MORN1: variants seen among roughly 807,000 people sequenced by gnomAD.
MORN1 encodes the protein MORN repeat containing 1.
A neutral mutation model predicts 61.9 loss-of-function variants in MORN1; 67 were observed. The observed-to-expected ratio is 1.08, with a 90% CI of 0.89 to 1.33. The LOEUF is 1.33. Among genes scored for constraint, MORN1 ranks in the 40% most tolerant of loss-of-function variants. The pLI is 0.00. For missense variants in MORN1, 752 were observed against 691.2 expected (o/e 1.09, Z -0.99); for synonymous variants, 301 against 292.0 (o/e 1.03, Z -0.31).
Position 2,390,739 on chromosome 1 carries a change from AT to A in MORN1, c.76+718del, listed in dbSNP as rs1312604317. On this transcript the variant is annotated intron_variant, in intron 1 of 13. Coordinates refer to ENST00000378531, the MANE Select transcript of MORN1 (RefSeq NM_024848.3). ...TTATTTGATTCTAGAAACAGTTCCT[AT>A]CAAAACCTGCTCTTTTTTTTTTTTT... 4.1e-6 allele frequency: 4 copies of A among 983,236 alleles called. No homozygotes were observed. In the African/African-American group the frequency reaches 7.0e-5, roughly 17 times the overall value. 60.9% of individuals were successfully genotyped at this position (983,236 alleles called of 1,614,324 possible). A position where few individuals can be genotyped will look rare whatever the true frequency, so the allele number is the denominator to read the frequency against.
At chr1:2,324,044 G>A (rs562262020) in intron 13 of MORN1, 53 bp downstream of exon 13, 30 of 1,552,382 alleles carry the variant, frequency 1.9e-5, no homozygotes, top group African/African-American at 4.1e-5. Context: ...CTGCGGCCTC[G>A]CCTCTCCAGA....
At chr1:2,351,840 C>T in intron 10 of MORN1, 2 of 522,558 alleles carry the variant, frequency 3.8e-6, no homozygotes, top group Non-Finnish European at 7.4e-6. Flanking sequence ...CAGCATCTTG[C>T]TACTCTTGCC....
intron 13 of MORN1, chr1:2,323,029 G>T: frequency 1.0e-6 from 1 of 985,454 alleles, no homozygotes; most frequent in Non-Finnish European, 1.2e-6. Flanking sequence ...TCACCCCCAG[G>T]GCTGTCTCCG....
Position 2,372,379 on chromosome 1 carries a change from A to T in MORN1, c.745+102T>A. The T allele has an allele frequency of 1.1e-6, 1 of 877,238 alleles. No individual in the cohort carries two copies. The highest frequency in any genetic ancestry group is 1.7e-6 in the Non-Finnish European group (1 of 572,314). 54.3% of individuals were successfully genotyped at this position (877,238 alleles called of 1,614,324 possible). A position where few individuals can be genotyped will look rare whatever the true frequency, so the allele number is the denominator to read the frequency against. ...GGGCACGAAGTCACTGCTGTGCCTCAGGAGCCACATGCAACATCTCGTCCG... is the reference window on the plus strand; with the variant it reads ...GGGCACGAAGTCACTGCTGTGCCTCTGGAGCCACATGCAACATCTCGTCCG... On this transcript the variant is annotated intron_variant, in intron 8 of 13. Transcript: ENST00000378531. This position sits in a 1 kb window ranked among gnomAD's most constrained non-coding sequence, Gnocchi z 5.4.
In MORN1 at chr1:2,342,234, G is replaced by A. The variant is rs146450945; in HGVS notation, c.1037-5384C>T. On this transcript the variant is annotated intron_variant, in intron 10 of 13. Coordinates refer to ENST00000378531, the MANE Select transcript of MORN1 (RefSeq NM_024848.3). Reference sequence around the variant, plus strand: ...TTCCAATTCATTATCTTTTTACGGCGGACTCAATTAGACTCCCTAGTCACC... The same window carrying A: ...TTCCAATTCATTATCTTTTTACGGCAGACTCAATTAGACTCCCTAGTCACC... 3.0e-4 allele frequency among the ~76,000 whole-genome samples: 45 copies of A among 152,306 alleles called. No homozygotes were observed. The East Asian group carries it at 7.7e-3, about 26-fold the overall frequency.
At chr1:2,355,043 TA>T in intron 10 of MORN1, 1 of 480,948 alleles carries the variant, frequency 2.1e-6, no homozygotes, top group South Asian at 8.7e-5. Flanking sequence ...GCCCCCCAGG[TA>T]GGATCCGCCC....
intron 7 of MORN1, among the ~76,000 whole-genome samples, chr1:2,373,675 G>C (rs749413780): frequency 6.6e-6 from 1 of 152,200 alleles, no homozygotes; most frequent in Non-Finnish European, 1.5e-5. Context: ...CACTGTGTGC[G>C]TGCGGGTGCT....
intron 6 of MORN1, among the ~76,000 whole-genome samples, chr1:2,381,139 G>A (rs1205246241): frequency 6.6e-6 from 1 of 152,254 alleles, no homozygotes; most frequent in African/African-American, 2.4e-5. Flanking sequence ...ACCTGGTAAT[G>A]TCTTCTTGCA....
chr1:2,333,951 A>G (rs1641213531), intron 12 of MORN1, among the ~76,000 whole-genome samples: 1 of 152,202 alleles, frequency 6.6e-6, no homozygotes, highest in Non-Finnish European at 1.5e-5. Context: ...CTTTGGGCCC[A>G]GAGCCAGGTC....
intron 8 of MORN1, among the ~76,000 whole-genome samples, chr1:2,369,057 A>T (rs1642057965): frequency 7.3e-6 from 1 of 137,666 alleles, no homozygotes; most frequent in African/African-American, 2.7e-5. Flanking sequence ...ACCCAGTCTC[A>T]AAAAAAAAAA....
chr1:2,343,697 C>T (rs1470145976), intron 10 of MORN1, among the ~76,000 whole-genome samples: 1 of 152,164 alleles, frequency 6.6e-6, no homozygotes, highest in African/African-American at 2.4e-5. Flanking sequence ...ACAGAGGCCT[C>T]GCGGAGCCTT....
At chr1:2,332,362 CCTGA>C in intron 12 of MORN1, 1 of 344,366 alleles carries the variant, frequency 2.9e-6, no homozygotes, top group South Asian at 2.2e-5. Flanking sequence ...GCCCGGCCAC[CCTGA>C]CTGTTGCTCA....
Position 2,334,752 on chromosome 1 carries a change from C to T in MORN1, c.1250+1717G>A, listed in dbSNP as rs563049547. The stretch of plus-strand genomic sequence containing the variant: ...AACGACACTTAACTCGAGGACAGTG[C>T]GAGCCCTTTGGCTGGGAGGCCCAGG... On this transcript the variant is annotated intron_variant, in intron 12 of 13. Transcript: ENST00000378531. This position sits in a 1 kb window ranked among gnomAD's most constrained non-coding sequence, Gnocchi z 5.4. Among the ~76,000 whole-genome samples the T allele has an allele frequency of 1.4e-4, 21 of 152,374 alleles. No individual in the cohort carries two copies. The highest frequency in any genetic ancestry group is 2.2e-4 in the Non-Finnish European group (15 of 68,036).
At chr1:2,342,447 G>T (rs1339248930) in intron 10 of MORN1, among the ~76,000 whole-genome samples, 1 of 152,260 alleles carries the variant, frequency 6.6e-6, no homozygotes, top group South Asian at 2.1e-4. Flanking sequence ...AAGGGGACGA[G>T]AACAGTCTCG....
chr1:2,372,236 C>CA lies in MORN1; in HGVS notation c.745+244dup. ...CCTGTGCAAGGCATACACACATATG[C>CA]ACACACATACAGGAGCACGCACATC... On this transcript the variant is annotated intron_variant, in intron 8 of 13. Coordinates refer to ENST00000378531, the MANE Select transcript of MORN1 (RefSeq NM_024848.3). The surrounding 1 kb of genome is among the most constrained non-coding windows in gnomAD (Gnocchi z 5.4). 1 of 475,794 alleles carries CA rather than the reference C, an allele frequency of 2.1e-6. No individual in the cohort carries two copies. Among genetic ancestry groups the CA allele is most frequent in the Non-Finnish European group, 3.9e-6 (1 of 257,740 alleles). The allele number at this position is 475,794 out of a possible 1,614,324, so 29.5% of individuals were successfully genotyped here. A position where few individuals can be genotyped will look rare whatever the true frequency, so the allele number is the denominator to read the frequency against.
chr1:2,330,249 G>T (rs1416834298), intron 12 of MORN1, among the ~76,000 whole-genome samples: 1 of 152,216 alleles, frequency 6.6e-6, no homozygotes, highest in African/African-American at 2.4e-5. Context: ...CCTGAGTCCT[G>T]TCCCTGTTCA....
intron 10 of MORN1, among the ~76,000 whole-genome samples, chr1:2,355,744 C>A (rs895578932): frequency 6.6e-6 from 1 of 152,196 alleles, no homozygotes; most frequent in Non-Finnish European, 1.5e-5. Context: ...ACACAGTGCC[C>A]GGGAGAAAGG....
chr1:2,389,794 G>C (rs2100382728), intron 2 of MORN1, 131 bp downstream of exon 2: 4 of 797,314 alleles, frequency 5.0e-6, no homozygotes, highest in South Asian at 1.6e-5. Context: ...TGAGCAGCCA[G>C]GGAAGCACCA....
At chr1:2,327,612 C>T (rs1253732686) in intron 12 of MORN1, among the ~76,000 whole-genome samples, 1 of 152,244 alleles carries the variant, frequency 6.6e-6, no homozygotes, top group Admixed American at 6.5e-5. Flanking sequence ...GTCACCAGGC[C>T]CAGAGGCTGT....
Sources: gnomAD v4.1 joint callset for allele counts (sites outside exome capture counted in the v4.1 genomes callset) on GRCh38, gnomAD v4.1.1 for gene constraint, Gnocchi (gnomAD v3.1) non-coding constraint, MANE v1.5 for transcripts, NCBI Gene and HGNC (gene_info 2026-07-23, HGNC 2026-07-21) for gene names.